Variants in GPHN observed in about 807,000 individuals in gnomAD.
GPHN encodes gephyrin.
Under a neutral mutation model 95.5 loss-of-function variants are expected in GPHN, and 17 were observed. The observed-to-expected ratio is 0.18, with a 90% confidence interval of 0.12 to 0.27. The LOEUF (loss-of-function observed/expected upper bound fraction) is 0.27. Among genes scored for constraint, GPHN ranks in the 10% least tolerant of loss-of-function variants. The pLI is 1.00. For missense variants in GPHN, 660 were observed against 978.1 expected, an observed-to-expected ratio of 0.67 and a Z score of 4.34; for synonymous variants, 320 against 322.5, an observed-to-expected ratio of 0.99 and a Z score of 0.08.
chr14:67,504,691 C>T, the GPHN span, among the ~76,000 whole-genome samples: 1 of 152,158 alleles, frequency 6.6e-6, no homozygotes, highest in Non-Finnish European at 1.5e-5. Context: ...TCAAGACCAG[C>T]CTGGCCAACT....
the GPHN span, chr14:67,725,000 G>A: frequency 3.0e-6 from 4 of 1,338,446 alleles, no homozygotes; most frequent in South Asian, 4.7e-5. Flanking sequence ...GGATGGCTGG[G>A]AGAATGAATG....
At position 67,122,373 on chromosome 14, in the gene GPHN, G is replaced by A. The variant is rs760218731; in HGVS notation, c.1744G>A (p.Asp582Asn). The change falls in exon 17 of 23, where the codon GAC becomes AAC. Residue 582 changes from aspartate to asparagine, a missense_variant. By Grantham distance (23) the Asp-to-Asn change is conservative (BLOSUM62 1). Transcript: ENST00000478722. ...YPTINLGIVG[D>N]NPDDLLNALN... ...CACGATCAACTTGGGTATTGTAGGA[G>A]ACAAGTAAGTATTTGATGTCATTCT... 51 of 1,612,738 alleles carry A rather than the reference G, an allele frequency of 3.2e-5. No individual in the cohort carries two copies. The East Asian group carries it at 1.1e-3, about 36-fold the overall frequency.
chr14:66,775,837 G>A (rs907206530), intron 2 of GPHN, among the ~76,000 whole-genome samples: 3 of 152,126 alleles, frequency 2.0e-5, no homozygotes, highest in Non-Finnish European at 4.4e-5. Context: ...AACATTTTAA[G>A]GATTAAATTA....
At chr14:67,134,957 T>C in intron 17 of GPHN, among the ~76,000 whole-genome samples, 1 of 119,630 alleles carries the variant, frequency 8.4e-6, no homozygotes, top group African/African-American at 3.2e-5. Flanking sequence ...TTTCTTCTTT[T>C]TTTTTTTTTT....
the GPHN span, among the ~76,000 whole-genome samples, chr14:67,268,749 G>A: frequency 6.6e-6 from 1 of 152,138 alleles, no homozygotes; most frequent in African/African-American, 2.4e-5. Context: ...AACCTGTTTT[G>A]TCAGCAGGGC....
chr14:66,530,945 T>C (rs2091416870), intron 1 of GPHN, among the ~76,000 whole-genome samples: 1 of 148,168 alleles, frequency 6.7e-6, no homozygotes. Context: ...TTCTTGTTTG[T>C]TTGTTAGATT....
the GPHN span, among the ~76,000 whole-genome samples, chr14:67,440,290 G>A: frequency 6.6e-6 from 1 of 152,090 alleles, no homozygotes; most frequent in Non-Finnish European, 1.5e-5. Context: ...TCCTTGATAC[G>A]GATGTAAAGT....
the GPHN span, among the ~76,000 whole-genome samples, chr14:67,314,445 T>C: frequency 6.6e-6 from 1 of 152,246 alleles, no homozygotes; most frequent in Admixed American, 6.5e-5. Context: ...ATTTTGTCTA[T>C]ATCAGTCATA....
the GPHN span, among the ~76,000 whole-genome samples, chr14:67,554,149 C>G: frequency 6.6e-6 from 1 of 152,196 alleles, no homozygotes; most frequent in African/African-American, 2.4e-5. Flanking sequence ...GAAGGCCACC[C>G]TGAGCAAAGA....
intron 1 of GPHN, among the ~76,000 whole-genome samples, chr14:66,541,310 TTC>T (rs1442202609): frequency 6.6e-6 from 1 of 152,176 alleles, no homozygotes; most frequent in African/African-American, 2.4e-5. Context: ...CACTTTTTCA[TTC>T]TCTGAGAGAA....
the GPHN span, among the ~76,000 whole-genome samples, chr14:67,260,725 A>G: frequency 6.6e-6 from 1 of 152,198 alleles, no homozygotes; most frequent in East Asian, 1.9e-4. Context: ...TCAAAGTTTA[A>G]TGACTAAATA....
chr14:67,375,791 G>C, the GPHN span, among the ~76,000 whole-genome samples: 23,691 of 152,060 alleles, frequency 0.16, 3,501 homozygotes, highest in East Asian at 0.43. Context: ...TAGAAATACA[G>C]ACTCTCAGGT....
the GPHN span, among the ~76,000 whole-genome samples, chr14:67,716,686 C>T: frequency 6.6e-6 from 1 of 152,102 alleles, no homozygotes; most frequent in Non-Finnish European, 1.5e-5. Context: ...GAATTCGAGA[C>T]CAGCCTGGTT....
At chr14:67,035,976 G>T (rs1426790531) in intron 10 of GPHN, among the ~76,000 whole-genome samples, 1 of 151,682 alleles carries the variant, frequency 6.6e-6, no homozygotes, top group Admixed American at 6.6e-5. Context: ...AAAAAAAATT[G>T]ATGCAAAAAT....
chr14:67,497,513 C>G, the GPHN span, among the ~76,000 whole-genome samples: 2 of 152,088 alleles, frequency 1.3e-5, no homozygotes, highest in African/African-American at 2.4e-5. Context: ...GCAATTCCCA[C>G]GTGACCAACA....
At chr14:67,215,275 G>C in the GPHN span, among the ~76,000 whole-genome samples, 2 of 152,104 alleles carry the variant, frequency 1.3e-5, 1 homozygote, top group Middle Eastern at 6.3e-3. Flanking sequence ...TTTCTTCCAG[G>C]ACTAGGAGCT....
intron 1 of GPHN, among the ~76,000 whole-genome samples, chr14:66,590,361 G>A (rs1566657926): frequency 6.6e-6 from 1 of 152,216 alleles, no homozygotes; most frequent in East Asian, 1.9e-4. Context: ...AAAAATCAAT[G>A]AATCAGGAGT....
chr14:66,599,489 G>A (rs1355189258), intron 1 of GPHN, among the ~76,000 whole-genome samples: 1 of 149,026 alleles, frequency 6.7e-6, no homozygotes, highest in Non-Finnish European at 1.5e-5. Flanking sequence ...GGTTTTTTTG[G>A]ATGGTGGGAG....
At chr14:67,135,701 T>A (rs112806262) in intron 17 of GPHN, among the ~76,000 whole-genome samples, 25 of 152,114 alleles carry the variant, frequency 1.6e-4, no homozygotes, top group African/African-American at 2.9e-4. Flanking sequence ...CTTTTTTTTT[T>A]AAATCAATCT....
Sources: gnomAD v4.1 joint callset for allele counts (sites outside exome capture counted in the v4.1 genomes callset) on GRCh38, gnomAD v4.1.1 for gene constraint, MANE v1.5 for transcripts, NCBI Gene and HGNC (gene_info 2026-07-23, HGNC 2026-07-21) for gene names.